GRM5: variants seen among roughly 807,000 people sequenced by gnomAD.
GRM5 encodes the protein metabotropic glutamate receptor 5.
In GRM5, 19 loss-of-function variants were observed where a neutral mutation model predicts 83.1. The ratio of observed to expected loss-of-function variants is 0.23; its 90% confidence interval spans 0.16 to 0.34. The LOEUF (loss-of-function observed/expected upper bound fraction) is 0.34. Ranked by LOEUF, GRM5 falls within the 10% of genes least tolerant of loss-of-function variation. The pLI is 1.00. For synonymous variants in GRM5, 675 were observed against 633.6 expected, an observed-to-expected ratio of 1.07 and a Z score of -0.98; for missense variants, 1,160 against 1,588.3, an observed-to-expected ratio of 0.73 and a Z score of 4.58.
chr11:88,808,928 C>A (rs1049926453), intron 3 of GRM5, among the ~76,000 whole-genome samples: 1 of 151,988 alleles, frequency 6.6e-6, no homozygotes, highest in African/African-American at 2.4e-5. Flanking sequence ...TGGCATTTAT[C>A]GGCATCCATG....
chr11:88,710,543 T>C (rs939002446), intron 3 of GRM5, among the ~76,000 whole-genome samples: 2 of 152,088 alleles, frequency 1.3e-5, no homozygotes, highest in Middle Eastern at 3.2e-3. Context: ...CCACAGAATA[T>C]GTGTTAGGAA....
intron 4 of GRM5, among the ~76,000 whole-genome samples, chr11:88,625,453 C>T (rs931896477): frequency 3.3e-5 from 5 of 152,010 alleles, no homozygotes; most frequent in Non-Finnish European, 7.4e-5. Context: ...AGGAAAAATC[C>T]TTAGAAAAGA....
intron 2 of GRM5, among the ~76,000 whole-genome samples, chr11:88,927,052 C>A (rs613460): frequency 6.6e-6 from 1 of 151,998 alleles, no homozygotes; most frequent in Non-Finnish European, 1.5e-5. Context: ...GAGACTAAAA[C>A]TTCAATGCAT....
chr11:88,716,307 T>C (rs1241745168), intron 3 of GRM5, among the ~76,000 whole-genome samples: 2 of 151,868 alleles, frequency 1.3e-5, no homozygotes, highest in Non-Finnish European at 1.5e-5. Flanking sequence ...TTTAGCATAG[T>C]GTATTGCACA....
chr11:88,592,912 C>T (rs180864486), intron 6 of GRM5, among the ~76,000 whole-genome samples: 1 of 152,098 alleles, frequency 6.6e-6, no homozygotes, highest in Non-Finnish European at 1.5e-5. Context: ...CTCCCCAGCC[C>T]AAGAGAGCCT....
rs187464084 is a variant in GRM5, at chr11:88,957,995, T to C, written c.661+89217A>G. The stretch of plus-strand genomic sequence containing the variant: ...AACTATTTTTAATTTTAGAAACTTA[T>C]ATTTTTTATACTACCAAAGATTGAA... On this transcript the variant is annotated intron_variant, in intron 2 of 9. Transcript: ENST00000305447. 2.0e-4 allele frequency among the ~76,000 whole-genome samples: 30 copies of C among 152,150 alleles called. No homozygotes were observed. The East Asian group carries it at 5.8e-3, about 29-fold the overall frequency.
intron 2 of GRM5, chr11:88,984,966 G>T (rs1387992153): frequency 7.2e-6 from 4 of 552,692 alleles, no homozygotes; most frequent in Non-Finnish European, 1.3e-5. Context: ...TCTAATCACA[G>T]TATTATGTGT....
intron 2 of GRM5, among the ~76,000 whole-genome samples, chr11:89,021,055 A>G (rs16912870): frequency 0.033 from 5,070 of 152,230 alleles, 274 homozygotes; most frequent in African/African-American, 0.12. Context: ...TCTAAATTCC[A>G]GGTCATAGTT....
Position 88,567,700 on chromosome 11 carries a change from G to T in GRM5, c.1983C>A (p.Ala661=). 1 of 1,614,120 alleles carries T rather than the reference G, an allele frequency of 6.2e-7. No individual in the cohort carries two copies. The highest frequency in any genetic ancestry group is 8.5e-7 in the Non-Finnish European group (1 of 1,179,994). ...IGLSPAMSYS[A]LVTKTNRIAR... The stretch of plus-strand genomic sequence containing the variant: ...CAATACGGTTGGTCTTTGTTACAAG[G>T]GCTGAGTAGCTCATGGCTGGGGAGA... The change falls in exon 8 of 10, where the codon GCC becomes GCA. Residue 661 remains alanine (A), a synonymous_variant. Transcript: ENST00000305447. The surrounding 1 kb of genome is among the most constrained non-coding windows in gnomAD (Gnocchi z 7.3).
chr11:88,643,277 C>T (rs1396392092), intron 4 of GRM5, among the ~76,000 whole-genome samples: 2 of 151,448 alleles, frequency 1.3e-5, no homozygotes, highest in Admixed American at 6.6e-5. Context: ...CCATGCTTTA[C>T]AACTAGATCT....
At chr11:88,903,331 A>T (rs1489888964) in intron 2 of GRM5, among the ~76,000 whole-genome samples, 6 of 152,230 alleles carry the variant, frequency 3.9e-5, no homozygotes, top group Non-Finnish European at 8.8e-5. Flanking sequence ...TATGGAAAAC[A>T]GTATGGAGAT....
At chr11:88,556,996 T>C (rs1178815812) in intron 8 of GRM5, among the ~76,000 whole-genome samples, 1 of 152,152 alleles carries the variant, frequency 6.6e-6, no homozygotes, top group Non-Finnish European at 1.5e-5. Flanking sequence ...ACCTTATTTA[T>C]CAACAGTAAC....
rs563072267 is a variant in GRM5, at chr11:88,850,803, A to G, written c.662-648T>C. Among the ~76,000 whole-genome samples, 9 of 152,198 alleles carry G rather than the reference A, an allele frequency of 5.9e-5. No homozygotes were observed. The South Asian group carries it at 1.2e-3, about 21-fold the overall frequency. On this transcript the variant is annotated intron_variant, in intron 2 of 9. Transcript: ENST00000305447. The stretch of plus-strand genomic sequence containing the variant: ...CTATACAACCATGGGGAAGTTATTG[A>G]TAAGGAAAAAAAGTTCAAAGTCTTT...
intron 3 of GRM5, among the ~76,000 whole-genome samples, chr11:88,839,886 TAAGC>T (rs201133773): frequency 0.016 from 2,442 of 152,286 alleles, 63 homozygotes; most frequent in African/African-American, 0.056. Context: ...TATAATAAAG[TAAGC>T]AAGAGGAAGA....
chr11:88,846,435 C>T (rs1174069615), intron 3 of GRM5, among the ~76,000 whole-genome samples: 1 of 152,120 alleles, frequency 6.6e-6, no homozygotes, highest in Non-Finnish European at 1.5e-5. Flanking sequence ...AGCAGATTAC[C>T]CACAGCTCAA....
intron 9 of GRM5, among the ~76,000 whole-genome samples, chr11:88,518,038 G>A (rs1303796360): frequency 6.6e-6 from 1 of 151,842 alleles, no homozygotes; most frequent in African/African-American, 2.4e-5. Context: ...TAGATAAGAT[G>A]AGAATTGAGC....
intron 2 of GRM5, among the ~76,000 whole-genome samples, chr11:88,969,933 T>C (rs1377045237): frequency 6.6e-6 from 1 of 152,142 alleles, no homozygotes; most frequent in African/African-American, 2.4e-5. Flanking sequence ...CGTACTTTTA[T>C]ACATGATGTT....
At chr11:88,762,727 C>T (rs550042272) in intron 3 of GRM5, among the ~76,000 whole-genome samples, 4 of 151,606 alleles carry the variant, frequency 2.6e-5, no homozygotes, top group African/African-American at 9.7e-5. Context: ...GACACATGCA[C>T]ATATAAGTTA....
chr11:88,821,103 C>T (rs12279525), intron 3 of GRM5, among the ~76,000 whole-genome samples: 3,879 of 152,016 alleles, frequency 0.026, 173 homozygotes, highest in African/African-American at 0.089. Flanking sequence ...GTTGAATTCC[C>T]GAAAGGGCTC....
Sources: gnomAD v4.1 joint callset for allele counts (sites outside exome capture counted in the v4.1 genomes callset) on GRCh38, gnomAD v4.1.1 for gene constraint, Gnocchi (gnomAD v3.1) non-coding constraint, MANE v1.5 for transcripts, NCBI Gene and HGNC (gene_info 2026-07-23, HGNC 2026-07-21) for gene names.